Variants in QTGAL observed in about 807,000 individuals in gnomAD.
QTGAL encodes the protein BGnT-like protein 1.
the QTGAL span, chr17:83,006,355 T>A: frequency 1.0e-6 from 1 of 985,462 alleles, no homozygotes; most frequent in Non-Finnish European, 1.2e-6. The surrounding 1 kb of genome is among the most constrained non-coding windows in gnomAD (Gnocchi z 5.8). Context: ...AGGCTTCTGT[T>A]TGCATTTGTT....
the QTGAL span, among the ~76,000 whole-genome samples, chr17:83,043,085 G>A: frequency 6.6e-6 from 1 of 152,164 alleles, no homozygotes; most frequent in Admixed American, 6.5e-5. Flanking sequence ...AACAGTCGGA[G>A]ATTCAACATT....
At chr17:83,014,451 T>TA in the QTGAL span, 16 of 1,613,882 alleles carry the variant, frequency 9.9e-6, no homozygotes, top group Middle Eastern at 3.3e-4. Context: ...GGCCAGTACT[T>TA]ACGCTCGACG....
the QTGAL span, among the ~76,000 whole-genome samples, chr17:83,037,848 A>C: frequency 1.3e-5 from 2 of 152,288 alleles, no homozygotes; most frequent in African/African-American, 4.8e-5. The surrounding 1 kb of genome is among the most constrained non-coding windows in gnomAD (Gnocchi z 5.2). Flanking sequence ...AGAGACAAGG[A>C]ATTTGCTTTA....
chr17:82,986,072 G>C, the QTGAL span, among the ~76,000 whole-genome samples: 1 of 152,230 alleles, frequency 6.6e-6, no homozygotes, highest in African/African-American at 2.4e-5. Context: ...CACCGGGCCA[G>C]GAGCTCAGGG....
At chr17:83,031,374 G>A in the QTGAL span, among the ~76,000 whole-genome samples, 58 of 151,700 alleles carry the variant, frequency 3.8e-4, 1 homozygote, top group African/African-American at 1.2e-3. Context: ...TTTCCAGCGG[G>A]GAAGGGTGTA....
chr17:83,014,906 T>A, the QTGAL span, among the ~76,000 whole-genome samples: 4 of 152,036 alleles, frequency 2.6e-5, no homozygotes, highest in Non-Finnish European at 5.9e-5. Context: ...GAAGGAAAAA[T>A]AAAAAATGCT....
the QTGAL span, among the ~76,000 whole-genome samples, chr17:83,047,715 C>T: frequency 6.8e-6 from 1 of 146,112 alleles, no homozygotes; most frequent in African/African-American, 2.5e-5. Flanking sequence ...TATAATAAAT[C>T]CCTACCAAAG....
At chr17:82,967,335 G>A in the QTGAL span, among the ~76,000 whole-genome samples, 1 of 152,182 alleles carries the variant, frequency 6.6e-6, no homozygotes, top group East Asian at 1.9e-4. Context: ...GAACACGCAG[G>A]TCAGGCAGAG....
chr17:83,026,848 C>T, the QTGAL span, among the ~76,000 whole-genome samples: 2 of 119,146 alleles, frequency 1.7e-5, no homozygotes, highest in Non-Finnish European at 3.4e-5. Context: ...AACCCACCCT[C>T]GACAGACACA....
chr17:82,971,351 G>A, the QTGAL span, among the ~76,000 whole-genome samples: 1 of 152,194 alleles, frequency 6.6e-6, no homozygotes, highest in Admixed American at 6.5e-5. Context: ...CTCCAGGGAG[G>A]GGCTCAGTCA....
the QTGAL span, chr17:83,006,906 C>T: frequency 4.7e-4 from 388 of 821,450 alleles, 1 homozygote; most frequent in Middle Eastern, 0.01. This position sits in a 1 kb window ranked among gnomAD's most constrained non-coding sequence, Gnocchi z 5.8. Flanking sequence ...ACAGGAACTT[C>T]CAAACAGTCT....
the QTGAL span, among the ~76,000 whole-genome samples, chr17:83,046,876 A>G: frequency 6.6e-6 from 1 of 152,264 alleles, no homozygotes; most frequent in East Asian, 1.9e-4. Flanking sequence ...GTACAACTGC[A>G]TATCATCCTC....
At chr17:83,048,980 T>G in the QTGAL span, 1 of 566,666 alleles carries the variant, frequency 1.8e-6, no homozygotes, top group South Asian at 2.3e-5. Context: ...TCTACATGTT[T>G]TTGAAAGTGA....
At chr17:83,039,877 C>T in the QTGAL span, among the ~76,000 whole-genome samples, 1 of 152,218 alleles carries the variant, frequency 6.6e-6, no homozygotes, top group African/African-American at 2.4e-5. Context: ...CACTGAGACA[C>T]CCCGCAGGTG....
chr17:82,942,646 G>A, the QTGAL span: 1 of 693,390 alleles, frequency 1.4e-6, no homozygotes, highest in Non-Finnish European at 2.5e-6. Context: ...GACTTGGGGT[G>A]GACGCCTCTG....
At chr17:83,048,368 A>T in the QTGAL span, 3 of 1,052,458 alleles carry the variant, frequency 2.9e-6, no homozygotes, top group Non-Finnish European at 2.9e-6. Context: ...AATTACCACC[A>T]GGATACTTTT....
At chr17:83,023,257 T>C in the QTGAL span, among the ~76,000 whole-genome samples, 38 of 83,522 alleles carry the variant, frequency 4.5e-4, no homozygotes, top group Admixed American at 1.1e-3. Flanking sequence ...CACGTTAGCT[T>C]AGCACTGTCC....
At chr17:82,948,002 T>G in the QTGAL span, 1 of 151,902 alleles carries the variant, frequency 6.6e-6, no homozygotes. Flanking sequence ...CATGTTCCAT[T>G]AGGAGAATGA....
At chr17:82,961,204 G>A in the QTGAL span, 1 of 1,599,254 alleles carries the variant, frequency 6.3e-7, no homozygotes, top group Non-Finnish European at 8.5e-7. Context: ...AGAAGCAGAG[G>A]CATCACTGGG....
Sources: gnomAD v4.1 joint callset for allele counts (sites outside exome capture counted in the v4.1 genomes callset) on GRCh38, gnomAD v4.1.1 for gene constraint, Gnocchi (gnomAD v3.1) non-coding constraint, MANE v1.5 for transcripts, NCBI Gene and HGNC (gene_info 2026-07-23, HGNC 2026-07-21) for gene names.